Variants in KCNU1 observed in about 807,000 individuals in gnomAD.
KCNU1 encodes potassium calcium-activated channel subfamily U member 1, also known as potassium channel subfamily U member 1.
Under a neutral mutation model 126.8 loss-of-function variants are expected in KCNU1, and 93 were observed. The ratio of observed to expected loss-of-function variants is 0.73; its 90% CI spans 0.62 to 0.87. The LOEUF (loss-of-function observed/expected upper bound fraction) is 0.87. Ranked by LOEUF, KCNU1 falls within the 40% of genes least tolerant of loss-of-function variation. The probability of loss-of-function intolerance (pLI) is 0.00; values close to 1 mark genes in which losing one functional copy is unlikely to be tolerated. For synonymous variants in KCNU1, 523 were observed against 494.2 expected (o/e 1.06, Z -0.77); for missense variants, 1,330 against 1,367.1 (o/e 0.97, Z 0.43).
intron 18 of KCNU1, 73 bp downstream of exon 18, chr8:36,845,972 C>G (rs538702033): frequency 8.8e-5 from 78 of 884,924 alleles, no homozygotes; most frequent in Non-Finnish European, 1.4e-4. Context: ...GAAGAGGGTT[C>G]CATCTCTTAA....
At chr8:36,806,808 G>A (rs988924499) in intron 5 of KCNU1, among the ~76,000 whole-genome samples, 2 of 152,210 alleles carry the variant, frequency 1.3e-5, no homozygotes, top group Non-Finnish European at 2.9e-5. Flanking sequence ...TGTTGACAGT[G>A]CATGGACATT....
chr8:36,831,893 G>A (rs866947950), intron 10 of KCNU1, among the ~76,000 whole-genome samples: 1 of 151,992 alleles, frequency 6.6e-6, no homozygotes, highest in African/African-American at 2.4e-5. Context: ...ATGGTTTTAG[G>A]TCTAACGTTT....
intron 4 of KCNU1, 78 bp from the exon 5 acceptor site, chr8:36,806,191 G>A: frequency 1.3e-6 from 1 of 783,236 alleles, no homozygotes; most frequent in Non-Finnish European, 2.1e-6. Flanking sequence ...GTAAAATGCA[G>A]CTGAATAATG....
intron 18 of KCNU1, among the ~76,000 whole-genome samples, chr8:36,846,699 G>A (rs768930799): frequency 4.6e-5 from 7 of 151,536 alleles, no homozygotes; most frequent in Non-Finnish European, 1.0e-4. Flanking sequence ...CTGCTTGGGA[G>A]GCTGAGGCAG....
intron 2 of KCNU1, chr8:36,795,208 T>C (rs576811229): frequency 2.0e-5 from 3 of 152,514 alleles, no homozygotes; most frequent in Non-Finnish European, 2.9e-5. Context: ...TGGCTCACAC[T>C]GTTAGCTTTG....
intron 2 of KCNU1, among the ~76,000 whole-genome samples, chr8:36,798,992 C>T (rs546591185): frequency 1.3e-5 from 2 of 152,150 alleles, no homozygotes; most frequent in Non-Finnish European, 2.9e-5. Flanking sequence ...CCAAAGAGCA[C>T]CTCTTTTAAA....
At chr8:36,871,326 T>C (rs936274141) in intron 19 of KCNU1, among the ~76,000 whole-genome samples, 2 of 152,070 alleles carry the variant, frequency 1.3e-5, no homozygotes, top group African/African-American at 4.8e-5. Flanking sequence ...CTAGTTCTTA[T>C]TTTGTATTCA....
intron 22 of KCNU1, among the ~76,000 whole-genome samples, chr8:36,912,241 G>T (rs1585554209): frequency 6.6e-6 from 1 of 152,206 alleles, no homozygotes. Context: ...ATTGAAACTG[G>T]GAAACCAAAA....
intron 19 of KCNU1, among the ~76,000 whole-genome samples, chr8:36,881,329 C>G (rs890617335): frequency 2.0e-5 from 3 of 152,092 alleles, no homozygotes; most frequent in Non-Finnish European, 4.4e-5. Context: ...CTTGAGCAAT[C>G]CTCCCACCTC....
intron 19 of KCNU1, chr8:36,888,554 G>T (rs768344544): frequency 1.3e-5 from 7 of 533,644 alleles, no homozygotes; most frequent in South Asian, 9.8e-5. Context: ...GATCACAAAT[G>T]GGCTGTGCCT....
chr8:36,896,320 G>A (rs1437025716), intron 19 of KCNU1, among the ~76,000 whole-genome samples: 1 of 151,942 alleles, frequency 6.6e-6, no homozygotes, highest in Admixed American at 6.6e-5. Flanking sequence ...GTTCTAGATA[G>A]TTAAGATGAA....
At chr8:36,831,885 G>A (rs1239551992) in intron 10 of KCNU1, among the ~76,000 whole-genome samples, 1 of 151,860 alleles carries the variant, frequency 6.6e-6, no homozygotes, top group Non-Finnish European at 1.5e-5. Flanking sequence ...GGGTTTTTAT[G>A]GTTTTAGGTC....
intron 22 of KCNU1, among the ~76,000 whole-genome samples, chr8:36,912,974 A>G (rs1807944874): frequency 6.6e-6 from 1 of 151,074 alleles, no homozygotes; most frequent in Non-Finnish European, 1.5e-5. Context: ...AAAAAAAAAA[A>G]AAAAAGCTTA....
chr8:36,831,893 G>T (rs866947950), intron 10 of KCNU1, among the ~76,000 whole-genome samples: 1 of 151,992 alleles, frequency 6.6e-6, no homozygotes, highest in Non-Finnish European at 1.5e-5. Flanking sequence ...ATGGTTTTAG[G>T]TCTAACGTTT....
At chr8:36,911,316 A>G (rs921681744) in intron 22 of KCNU1, among the ~76,000 whole-genome samples, 197 bp downstream of exon 22, 2 of 152,220 alleles carry the variant, frequency 1.3e-5, no homozygotes, top group Non-Finnish European at 2.9e-5. Context: ...CAAATGGATG[A>G]TGGTGTGCAT....
intron 10 of KCNU1, among the ~76,000 whole-genome samples, chr8:36,819,070 G>A (rs536474316): frequency 6.6e-6 from 1 of 152,242 alleles, no homozygotes; most frequent in Non-Finnish European, 1.5e-5. Flanking sequence ...GTTGTTGTAT[G>A]TACTTGCCAA....
At chr8:36,879,829 G>T (rs1214004216) in intron 19 of KCNU1, among the ~76,000 whole-genome samples, 2 of 152,094 alleles carry the variant, frequency 1.3e-5, no homozygotes, top group African/African-American at 4.8e-5. Flanking sequence ...GCCTCGAGTG[G>T]GCACTGTAAA....
intron 3 of KCNU1, 41 bp downstream of exon 3, chr8:36,804,129 A>G (rs186098635): frequency 5.9e-4 from 802 of 1,350,386 alleles, no homozygotes; most frequent in Non-Finnish European, 7.4e-4. Flanking sequence ...CTATATCAGT[A>G]CATTGCTCGG....
chr8:36,802,157 C>T (rs1394176727), intron 2 of KCNU1, among the ~76,000 whole-genome samples: 2 of 150,112 alleles, frequency 1.3e-5, no homozygotes, highest in Non-Finnish European at 3.0e-5. Context: ...GAGCTGAGAC[C>T]CCAACACTAC....
Sources: allele counts gnomAD v4.1 joint callset (sites outside exome capture counted in the v4.1 genomes callset), GRCh38; gene constraint gnomAD v4.1.1; transcripts MANE v1.5; gene names NCBI Gene and HGNC (gene_info 2026-07-23, HGNC 2026-07-21).